ANK2: variants seen among roughly 807,000 people sequenced by gnomAD.
ANK2 encodes ankyrin 2.
In ANK2, 83 loss-of-function variants were observed where a neutral mutation model predicts 360.5. That is an observed-to-expected ratio of 0.23 (90% CI 0.19 to 0.28). The LOEUF is 0.28. Ranked by LOEUF, ANK2 falls within the 10% of genes least tolerant of loss-of-function variation. The pLI is 1.00. For missense variants in ANK2, 4,201 were observed against 4,795.7 expected, an observed-to-expected ratio of 0.88 and a Z score of 3.66; for synonymous variants, 1,740 against 1,759.5, an observed-to-expected ratio of 0.99 and a Z score of 0.28.
chr4:113,174,230 C>T lies in ANK2; in HGVS notation c.85-186C>T, dbSNP rs117282333. On this transcript the variant is annotated intron_variant, in intron 1 of 45. Coordinates refer to ENST00000357077, the MANE Select transcript of ANK2 (RefSeq NM_001148.6). ...TGACTTTTAATGTACTTAGACAACT[C>T]TCTAGAAATATTGTGAAGTTGCTAC... is the stretch of plus-strand genomic sequence containing the variant. 2.2e-3 allele frequency among the ~76,000 whole-genome samples: 336 copies of T among 152,254 alleles called. 5 individuals carry two copies. The East Asian group carries it at 0.043, about 20-fold the overall frequency.
intron 1 of ANK2, among the ~76,000 whole-genome samples, chr4:113,057,906 G>A (rs2070932608): frequency 1.3e-5 from 2 of 152,048 alleles, no homozygotes; most frequent in Admixed American, 6.6e-5. Flanking sequence ...TATTTTATTG[G>A]TGATCATAAT....
intron 1 of ANK2, among the ~76,000 whole-genome samples, chr4:113,095,082 T>C (rs1316907272): frequency 6.6e-6 from 1 of 152,156 alleles, no homozygotes; most frequent in Non-Finnish European, 1.5e-5. Flanking sequence ...GCTGGTGAAA[T>C]AGAACATTAG....
chr4:112,738,918 G>A, the ANK2 span: 1 of 696,752 alleles, frequency 1.4e-6, no homozygotes, highest in Non-Finnish European at 2.5e-6. Context: ...CATGCTGCTA[G>A]TGGCTTCCGC....
chr4:113,323,870 T>G, intron 26 of ANK2: 1 of 1,427,040 alleles, frequency 7.0e-7, no homozygotes, highest in Non-Finnish European at 9.7e-7. Context: ...TTCTGCATAT[T>G]CCTTGCCTCA....
the ANK2 span, among the ~76,000 whole-genome samples, chr4:112,718,936 C>T: frequency 3.5e-4 from 24 of 69,244 alleles, no homozygotes; most frequent in African/African-American, 8.8e-4. Flanking sequence ...CGCACCCGGT[C>T]GCATGAGCCA....
chr4:113,343,449 A>C (rs1486047757), intron 34 of ANK2, among the ~76,000 whole-genome samples: 2 of 152,206 alleles, frequency 1.3e-5, no homozygotes, highest in Admixed American at 6.5e-5. Context: ...ATAACTTTTA[A>C]ATATTTATGC....
chr4:113,024,861 TTA>T (rs913875915), intron 2 of ANK2, among the ~76,000 whole-genome samples: 1 of 152,184 alleles, frequency 6.6e-6, no homozygotes, highest in Non-Finnish European at 1.5e-5. Context: ...ATTTAAATAT[TTA>T]TCTTTCCCAT....
At chr4:112,811,507 T>C in the ANK2 span, among the ~76,000 whole-genome samples, 6 of 152,198 alleles carry the variant, frequency 3.9e-5, no homozygotes, top group Non-Finnish European at 8.8e-5. Context: ...TTTAGATTAA[T>C]GGTAAATGGG....
At chr4:112,978,468 A>G (rs2042117081) in intron 2 of ANK2, among the ~76,000 whole-genome samples, 2 of 152,194 alleles carry the variant, frequency 1.3e-5, no homozygotes, top group South Asian at 4.1e-4. Context: ...CACATTAAAT[A>G]GTAAGGCCCA....
intron 4 of ANK2, among the ~76,000 whole-genome samples, chr4:113,227,011 G>A (rs1243104088): frequency 6.6e-6 from 1 of 152,186 alleles, no homozygotes; most frequent in Non-Finnish European, 1.5e-5. Flanking sequence ...GCACCTGGAT[G>A]CATATACACA....
intron 1 of ANK2, among the ~76,000 whole-genome samples, chr4:113,168,047 T>C (rs2097810579): frequency 2.6e-5 from 4 of 152,328 alleles, no homozygotes; most frequent in Non-Finnish European, 5.9e-5. Context: ...ATAATCTTAA[T>C]TAATGCTTTG....
At position 113,129,553 on chromosome 4, in the gene ANK2, C is replaced by T. The variant is rs566672016; in HGVS notation, c.85-44863C>T. ...AGAATTTTTGTTTGTTTGTTTTAAA[C>T]GTATGACTGCAAGTTTTACATAAAT... is the stretch of plus-strand genomic sequence containing the variant. On this transcript the variant is annotated intron_variant, in intron 1 of 45. Coordinates refer to ENST00000357077, the MANE Select transcript of ANK2 (RefSeq NM_001148.6). Among the ~76,000 whole-genome samples, 133 of 152,230 alleles carry T rather than the reference C, an allele frequency of 8.7e-4. 1 individual carries two copies. The highest frequency in any genetic ancestry group is 1.6e-3 in the Non-Finnish European group (108 of 67,990).
intron 1 of ANK2, among the ~76,000 whole-genome samples, chr4:112,823,274 A>T (rs1331243489): frequency 6.6e-6 from 1 of 152,178 alleles, no homozygotes; most frequent in Non-Finnish European, 1.5e-5. Context: ...AACTGTAGTG[A>T]TATATTGGGA....
intron 1 of ANK2, among the ~76,000 whole-genome samples, chr4:112,836,754 C>G (rs1226760994): frequency 6.6e-6 from 1 of 152,218 alleles, no homozygotes; most frequent in African/African-American, 2.4e-5. Context: ...TTTAGGGTAT[C>G]TGGCAGAAGA....
chr4:113,356,762 C>T lies in ANK2; in HGVS notation c.8144C>T (p.Ser2715Phe), dbSNP rs147619875. ...PEEVQFQPVV[S>F]KQYTFKMNED... is the part of the protein sequence containing the mutation. Reference sequence around the variant, plus strand: ...GAAGTACAATTCCAGCCTGTCGTTTCCAAACAATATACTTTCAAGATGAAT... The same window carrying T: ...GAAGTACAATTCCAGCCTGTCGTTTTCAAACAATATACTTTCAAGATGAAT... Residue 2715 changes from serine to phenylalanine, a missense_variant, in exon 38 of 46, where the codon TCC becomes TTC. Transcript: ENST00000357077. 1.5e-4 allele frequency: 236 copies of T among 1,613,990 alleles called. No individual in the cohort carries two copies. Among genetic ancestry groups the T allele is most frequent in the Non-Finnish European group, 1.9e-4 (219 of 1,179,996 alleles).
intron 2 of ANK2, among the ~76,000 whole-genome samples, chr4:113,029,566 G>A (rs1021581517): frequency 3.3e-5 from 5 of 151,964 alleles, no homozygotes; most frequent in African/African-American, 4.8e-5. Context: ...ATAAATGAAC[G>A]TGGCCGGAGT....
chr4:112,943,751 C>T (rs942895416), intron 2 of ANK2, among the ~76,000 whole-genome samples: 1 of 152,034 alleles, frequency 6.6e-6, no homozygotes, highest in Non-Finnish European at 1.5e-5. Context: ...ATCGAGCCTA[C>T]ATTGTTTTTC....
At chr4:112,717,840 G>C in the ANK2 span, among the ~76,000 whole-genome samples, 26 of 152,068 alleles carry the variant, frequency 1.7e-4, no homozygotes, top group Non-Finnish European at 2.9e-4. Context: ...CAGGGCTATT[G>C]ACTAAATTAG....
chr4:113,144,486 G>A (rs115305874), intron 1 of ANK2, among the ~76,000 whole-genome samples: 2,513 of 151,868 alleles, frequency 0.017, 76 homozygotes, highest in African/African-American at 0.058. Context: ...GAAAATTCTA[G>A]TCTATCAAAT....
Sources: gnomAD v4.1 joint callset for allele counts (sites outside exome capture counted in the v4.1 genomes callset) on GRCh38, gnomAD v4.1.1 for gene constraint, MANE v1.5 for transcripts, NCBI Gene and HGNC (gene_info 2026-07-23, HGNC 2026-07-21) for gene names.